Variants in AKAP9 observed in about 807,000 individuals in gnomAD.
AKAP9 encodes the protein A-kinase anchoring protein 9, also known as A-kinase anchor protein 9.
Under a neutral mutation model 488.5 loss-of-function variants are expected in AKAP9, and 311 were observed. The observed-to-expected ratio is 0.64, with a 90% CI of 0.58 to 0.70. AKAP9 has a LOEUF of 0.70. Ranked by LOEUF, AKAP9 falls within the 30% of genes least tolerant of loss-of-function variation. The pLI, the probability that AKAP9 is intolerant of heterozygous loss-of-function variation, is 0.00. For missense variants in AKAP9, 4,215 were observed against 4,374.5 expected (o/e 0.96, Z 1.03); for synonymous variants, 1,462 against 1,483.5 (o/e 0.99, Z 0.33).
chr7:92,038,801 C>A (rs752092195), intron 17 of AKAP9, 29 bp downstream of exon 17: 1 of 1,483,180 alleles, frequency 6.7e-7, no homozygotes, highest in South Asian at 1.2e-5. Context: ...ATATAAAAAA[C>A]TTATTTAAAA....
Position 92,076,885 on chromosome 7 carries a change from T to C in AKAP9, c.6643T>C (p.Phe2215Leu). 2.0e-6 allele frequency: 3 copies of C among 1,498,748 alleles called. No homozygotes were observed. Among genetic ancestry groups the C allele is most frequent in the Non-Finnish European group, 2.7e-6 (3 of 1,091,832 alleles). The allele number at this position is 1,498,748 out of a possible 1,614,324, so 92.8% of individuals were successfully genotyped here. A position where few individuals can be genotyped will look rare whatever the true frequency, so the allele number is the denominator to read the frequency against. ...AAACTTAGAAGAGCAATTAGAACAG[T>C]TTAGAGAAGAACTGGAAAATAAGAA... ...ITNLEEQLEQ[F>L]REELENKNEE... is the part of the protein sequence containing the mutation. Residue 2215 changes from phenylalanine to leucine, a missense_variant, in exon 29 of 50, where the codon TTT becomes CTT. This residue lies in a region of AKAP9 where 51 missense variants were observed against 87.3 expected (regional missense o/e 0.58). Transcript: ENST00000356239.
At chr7:92,023,459 C>T (rs1056014821) in intron 14 of AKAP9, among the ~76,000 whole-genome samples, 1 of 152,166 alleles carries the variant, frequency 6.6e-6, no homozygotes, top group Non-Finnish European at 1.5e-5. Context: ...TCAAAATTTG[C>T]TCCTTCTGCA....
chr7:92,031,167 C>T (rs114618127), intron 15 of AKAP9, among the ~76,000 whole-genome samples: 3,375 of 152,180 alleles, frequency 0.022, 143 homozygotes, highest in African/African-American at 0.077. Context: ...GCAAAGATAG[C>T]CACTGTTTAA....
intron 1 of AKAP9, among the ~76,000 whole-genome samples, chr7:91,968,678 C>T (rs1479181729): frequency 5.9e-5 from 9 of 151,972 alleles, no homozygotes; most frequent in East Asian, 3.9e-4. Context: ...TCTTGCAGTG[C>T]GTTGTTTGGT....
In AKAP9 at chr7:92,040,852, A is replaced by G; in HGVS notation, c.4871A>G (p.Glu1624Gly). 1.2e-6 allele frequency: 2 copies of G among 1,614,042 alleles called. No individual in the cohort carries two copies. The highest frequency in any genetic ancestry group is 1.1e-5 in the South Asian group (1 of 91,070). ...ATGGAGAGACAGCGAGAAGACCAGG[A>G]ACAGCTACAAGAAGAGATTAAGAGA... Reference protein sequence around the residue: ...RQMERQREDQEQLQEEIKRLN... With the variant: ...RQMERQREDQGQLQEEIKRLN... The change falls in exon 18 of 50, where the codon GAA (glutamate) becomes GGA (glycine). Residue 1624 changes from glutamate (E) to glycine (G), a missense_variant. Physicochemically the swap from Glu to Gly is moderately conservative, Grantham distance 98. Transcript: ENST00000356239.
At chr7:91,999,624 G>C (rs917811822) in intron 7 of AKAP9, among the ~76,000 whole-genome samples, 2 of 152,172 alleles carry the variant, frequency 1.3e-5, no homozygotes, top group Non-Finnish European at 2.9e-5. Flanking sequence ...ATGTTCAGGG[G>C]CATTAGGCTG....
intron 37 of AKAP9, 119 bp downstream of exon 37, chr7:92,086,535 T>A (rs1186792217): frequency 1.3e-5 from 10 of 780,872 alleles, no homozygotes; most frequent in Non-Finnish European, 1.7e-5. Flanking sequence ...ATGAATATTT[T>A]AAAAAAATTA....
chr7:92,064,564 G>A (rs988599578), intron 24 of AKAP9, among the ~76,000 whole-genome samples: 1 of 152,038 alleles, frequency 6.6e-6, no homozygotes, highest in Non-Finnish European at 1.5e-5. Context: ...TCACATGGGA[G>A]ATAAGTGGCT....
intron 39 of AKAP9, among the ~76,000 whole-genome samples, chr7:92,094,500 T>G (rs1816191723): frequency 6.7e-6 from 1 of 150,158 alleles, no homozygotes; most frequent in Admixed American, 6.7e-5. Flanking sequence ...GCTATTGCAC[T>G]CCATCCTGGG....
At chr7:91,954,875 G>A (rs1389087359) in intron 1 of AKAP9, among the ~76,000 whole-genome samples, 1 of 152,110 alleles carries the variant, frequency 6.6e-6, no homozygotes, top group Non-Finnish European at 1.5e-5. Flanking sequence ...TACTTGGTGT[G>A]GAACTAAAGG....
At chr7:92,030,835 C>A (rs1038885015) in intron 15 of AKAP9, among the ~76,000 whole-genome samples, 1 of 152,112 alleles carries the variant, frequency 6.6e-6, no homozygotes, top group African/African-American at 2.4e-5. Flanking sequence ...CTCACACCTG[C>A]AACTTTCTCA....
rs1371321319 is a variant in AKAP9, at chr7:92,029,968, A to C, written c.4222A>C (p.Lys1408Gln). The change falls in exon 15 of 50, where the codon AAG becomes CAG. Residue 1408 changes from lysine (K) to glutamine (Q), a missense_variant. By Grantham distance (53) the Lys-to-Gln change is moderately conservative (BLOSUM62 1). Coordinates refer to ENST00000356239, the MANE Select transcript of AKAP9 (RefSeq NM_005751.5). ...AATGTACCCTGGAAGTTGTGTGAAA[A>C]AGAATATTGATGGTACAATAGAGGT... ...RTMYPGSCVK[K>Q]NIDGTIEFSG... 1 of 1,610,140 alleles carries C rather than the reference A, an allele frequency of 6.2e-7. No homozygotes were observed. The highest frequency in any genetic ancestry group is 8.5e-7 in the Non-Finnish European group (1 of 1,176,686).
chr7:92,088,626 GGAGA>G (rs1815010191), intron 37 of AKAP9, among the ~76,000 whole-genome samples: 1 of 152,198 alleles, frequency 6.6e-6, no homozygotes, highest in Non-Finnish European at 1.5e-5. Flanking sequence ...TTAGGGTTAG[GGAGA>G]GAGTTTGACT....
At chr7:91,966,307 T>C (rs1794436692) in intron 1 of AKAP9, among the ~76,000 whole-genome samples, 1 of 152,204 alleles carries the variant, frequency 6.6e-6, no homozygotes. Context: ...TTCTCTACTG[T>C]TTTCTTTTTG....
Position 91,973,977 on chromosome 7 carries a change from T to G in AKAP9, c.306+9T>G. 2.5e-6 allele frequency: 4 copies of G among 1,613,622 alleles called. No homozygotes were observed. The highest frequency in any genetic ancestry group is 3.4e-6 in the Non-Finnish European group (4 of 1,179,786). On this transcript the variant is annotated intron_variant, in intron 2 of 49. Coordinates refer to ENST00000356239, the MANE Select transcript of AKAP9 (RefSeq NM_005751.5). ...AGGGCTTCTCTGTGGAAGTAAGTAT[T>G]CTCCCAGATTTTTAATCATTATGGT...
At chr7:91,984,962 G>T (rs956509239) in intron 3 of AKAP9, among the ~76,000 whole-genome samples, 44 of 152,168 alleles carry the variant, frequency 2.9e-4, no homozygotes, top group African/African-American at 9.9e-4. Flanking sequence ...GAATGCTTGT[G>T]ATTTTTGCAC....
At chr7:91,948,692 A>G (rs539363354) in intron 1 of AKAP9, among the ~76,000 whole-genome samples, 2 of 147,194 alleles carry the variant, frequency 1.4e-5, no homozygotes, top group African/African-American at 5.1e-5. Context: ...GCTCACTGCA[A>G]CCTCCACCTC....
chr7:92,030,823 T>G (rs1022044820), intron 15 of AKAP9, among the ~76,000 whole-genome samples: 3 of 152,102 alleles, frequency 2.0e-5, no homozygotes, highest in Non-Finnish European at 4.4e-5. Context: ...TATTCTAAAT[T>G]TCTCACACCT....
chr7:92,065,377 C>G lies in AKAP9; in HGVS notation c.6124C>G (p.Gln2042Glu). 1.9e-6 allele frequency: 3 copies of G among 1,606,424 alleles called. No homozygotes were observed. The highest frequency in any genetic ancestry group is 1.7e-6 in the Non-Finnish European group (2 of 1,176,200). ...AGTCAGTAGGTTTATAGAGCTGGAA[C>G]AAGAAAAAAATACTGAACTAATGGA... ...EQVSRFIELE[Q>E]EKNTELMDLR... The change falls in exon 25 of 50, where the codon CAA (glutamine) becomes GAA (glutamate). Residue 2042 changes from glutamine to glutamate, a missense_variant. By Grantham distance (29) the Gln-to-Glu change is conservative. Around this residue, in one of 5 missense-constraint regions of AKAP9, gnomAD observed 2,361 missense variants for 2,430.0 expected, o/e 0.97. Coordinates refer to ENST00000356239, the MANE Select transcript of AKAP9 (RefSeq NM_005751.5).
Sources: gnomAD v4.1 joint callset for allele counts (sites outside exome capture counted in the v4.1 genomes callset) on GRCh38, gnomAD v4.1.1 for gene constraint, gnomAD v4.1.1 regional missense constraint, MANE v1.5 for transcripts, NCBI Gene and HGNC (gene_info 2026-07-23, HGNC 2026-07-21) for gene names.